Variants in CD8B observed in about 807,000 individuals in gnomAD.
The protein encoded by CD8B is T-cell surface glycoprotein CD8 beta chain.
A neutral mutation model predicts 24.2 loss-of-function variants in CD8B; 6 were observed. The ratio of observed to expected loss-of-function variants is 0.25; its 90% CI spans 0.14 to 0.49. The LOEUF is 0.49. Among genes scored for constraint, CD8B ranks in the 20% least tolerant of loss-of-function variants. The pLI is 0.98. For missense variants in CD8B, 196 were observed against 271.3 expected (o/e 0.72, Z 1.95); for synonymous variants, 84 against 108.3 (o/e 0.78, Z 1.39).
Position 86,822,469 on chromosome 2 carries a change from A to G in CD8B, c.621-6751T>C, listed in dbSNP as rs1674519353. 11 of 721,948 alleles carry G rather than the reference A, an allele frequency of 1.5e-5. No individual in the cohort carries two copies. In the South Asian group the frequency reaches 1.9e-4, roughly 12 times the overall value. The allele number at this position is 721,948 out of a possible 1,614,324, so 44.7% of individuals were successfully genotyped here. On this transcript the variant is annotated intron_variant, in intron 5 of 5. Coordinates refer to the CD8B transcript ENST00000331469. Reference sequence around the variant, plus strand: ...ATATTTAAGTAAACAATGATAATGCATTCAATATAATTTTAGGCATTAACA... The same window carrying G: ...ATATTTAAGTAAACAATGATAATGCGTTCAATATAATTTTAGGCATTAACA...
rs533135286 is a variant in CD8B at position 86,859,665 on chromosome 2, A to G, written c.44-1249T>C. On this transcript the variant is annotated intron_variant, in intron 1 of 5. Coordinates refer to ENST00000390655, the MANE Select transcript of CD8B (RefSeq NM_004931.5). ...ACACACCAAGGCTGCACAGCTTCCA[A>G]CAAACACAATCTGACCTGGTGAGCC... is the stretch of plus-strand genomic sequence containing the variant. 2.0e-3 allele frequency among the ~76,000 whole-genome samples: 307 copies of G among 151,876 alleles called. 1 individual carries two copies. Among genetic ancestry groups the G allele is most frequent in the African/African-American group, 7.1e-3 (292 of 41,348 alleles).
chr2:86,835,387 G>A (rs1446730102), downstream of CD8B, among the ~76,000 whole-genome samples: 8 of 152,166 alleles, frequency 5.3e-5, no homozygotes, highest in Admixed American at 2.6e-4. Context: ...AGGCAGGGAC[G>A]ACCCAAACTC....
chr2:86,846,744 G>A lies in CD8B; in HGVS notation c.523C>T (p.Leu175=), dbSNP rs750458820. The A allele has an allele frequency of 5.0e-5, 80 of 1,584,168 alleles. No individual in the cohort carries two copies. The highest frequency in any genetic ancestry group is 6.5e-5 in the Non-Finnish European group (76 of 1,164,586). The change falls in exon 4 of 6, where the codon CTG becomes TTG. Residue 175 remains leucine, a synonymous_variant. Coordinates refer to ENST00000390655, the MANE Select transcript of CD8B (RefSeq NM_004931.5). ...GPLCSPITLG[L]LVAGVLVLLV... ...AGAACCAGGACGCCAGCCACCAGCA[G>A]GCCAAGGGTGATGGGGCTACAAAGT...
rs752467151 is a variant in CD8B, at chr2:86,858,259, G to A, written c.201C>T (p.His67=). The change falls in exon 2 of 6, where the codon CAC becomes CAT. Residue 67 remains histidine, a synonymous_variant. Coordinates refer to ENST00000390655, the MANE Select transcript of CD8B (RefSeq NM_004931.5). ...QRQAPSSDSH[H]EFLALWDSAK... The stretch of plus-strand genomic sequence containing the variant: ...CGGAATCCCAGAGGGCCAGGAACTC[G>A]TGGTGACTGTCACTGCTCGGTGCCT... The A allele has an allele frequency of 1.7e-5, 27 of 1,614,028 alleles. No individual in the cohort carries two copies. The highest frequency in any genetic ancestry group is 2.7e-5 in the African/African-American group (2 of 75,050).
In CD8B at chr2:86,816,450, A is replaced by G. The variant is rs995688988; in HGVS notation, c.621-732T>C. Among the ~76,000 whole-genome samples, 4 of 152,364 alleles carry G rather than the reference A, an allele frequency of 2.6e-5. No individual in the cohort carries two copies. In the East Asian group the frequency reaches 5.8e-4, roughly 22 times the overall value. ...ATTATCAAATTCATATGGAAGTATAAAGGGCCAAAAATAGCTGAATAATTT... is the reference window on the plus strand; with the variant it reads ...ATTATCAAATTCATATGGAAGTATAGAGGGCCAAAAATAGCTGAATAATTT... On this transcript the variant is annotated intron_variant, in intron 5 of 5. Coordinates refer to the CD8B transcript ENST00000331469.
At chr2:86,823,155 ACC>A (rs1321789234) in intron 5 of CD8B, among the ~76,000 whole-genome samples, 6 of 152,118 alleles carry the variant, frequency 3.9e-5, no homozygotes, top group Non-Finnish European at 8.8e-5. Flanking sequence ...GTTCCAGGTA[ACC>A]GCTATGATAT....
chr2:86,824,982 T>C (rs1674620096), intron 5 of CD8B, among the ~76,000 whole-genome samples: 1 of 152,210 alleles, frequency 6.6e-6, no homozygotes, highest in East Asian at 1.9e-4. Context: ...CAATAAATAA[T>C]GATGATGGCA....
Position 86,823,748 on chromosome 2 carries a change from G to T in CD8B, c.621-8030C>A, listed in dbSNP as rs538702614. Among the ~76,000 whole-genome samples the T allele has an allele frequency of 4.6e-5, 7 of 152,312 alleles. No individual in the cohort carries two copies. In the East Asian group the frequency reaches 1.4e-3, roughly 29 times the overall value. Reference sequence around the variant, plus strand: ...AAGAAACGCTCAAGAAGCACATGTGGTCTCTCAAGGGGACGGTGTAGTGGA... The same window carrying T: ...AAGAAACGCTCAAGAAGCACATGTGTTCTCTCAAGGGGACGGTGTAGTGGA... On this transcript the variant is annotated intron_variant, in intron 5 of 5. Coordinates refer to the CD8B transcript ENST00000331469.
At chr2:86,856,358 C>T (rs996232029) in intron 2 of CD8B, among the ~76,000 whole-genome samples, 11 of 152,138 alleles carry the variant, frequency 7.2e-5, no homozygotes, top group African/African-American at 2.7e-4. Context: ...GAGACAAAAA[C>T]AATAAGCTAA....
intron 3 of CD8B, among the ~76,000 whole-genome samples, chr2:86,851,906 G>T (rs1374244385): frequency 6.6e-6 from 1 of 152,234 alleles, no homozygotes; most frequent in Non-Finnish European, 1.5e-5. Context: ...GTGTTCATTT[G>T]CAAACAAACA....
rs1022306899 is a variant in CD8B, at chr2:86,840,510, C to T, written c.*1797G>A. ...ATCCGCATAGGGCGTCAATTCACCT[C>T]AGCCTTTCATTAGCCATGGACCAAA... On this transcript the variant is annotated 3_prime_UTR_variant, in exon 6 of 6. Coordinates refer to ENST00000390655, the MANE Select transcript of CD8B (RefSeq NM_004931.5). Among the ~76,000 whole-genome samples, 2 of 152,226 alleles carry T rather than the reference C, an allele frequency of 1.3e-5. No homozygotes were observed. The highest frequency in any genetic ancestry group is 2.9e-5 in the Non-Finnish European group (2 of 68,040).
downstream of CD8B, among the ~76,000 whole-genome samples, chr2:86,837,308 G>T (rs1180257860): frequency 3.3e-5 from 5 of 152,208 alleles, no homozygotes; most frequent in East Asian, 1.9e-4. Context: ...TGTGGAGGTT[G>T]TAAGTGTCTT....
chr2:86,815,492 G>C, downstream of CD8B: 1 of 731,740 alleles, frequency 1.4e-6, no homozygotes, highest in Non-Finnish European at 2.5e-6. Flanking sequence ...CTATGACTTG[G>C]GGGGTTGATG....
chr2:86,844,472 G>C (rs1243321936), intron 5 of CD8B: 1 of 183,858 alleles, frequency 5.4e-6, no homozygotes, highest in African/African-American at 2.4e-5. Context: ...ATGAAATAAC[G>C]GATGGGATGA....
At chr2:86,857,196 G>A (rs1367558961) in intron 2 of CD8B, among the ~76,000 whole-genome samples, 3 of 152,022 alleles carry the variant, frequency 2.0e-5, no homozygotes, top group Non-Finnish European at 4.4e-5. Context: ...TACTAACTTC[G>A]ACTCAGGTAT....
At chr2:86,861,551 C>G (rs532228068) in intron 1 of CD8B, among the ~76,000 whole-genome samples, 2 of 152,204 alleles carry the variant, frequency 1.3e-5, no homozygotes, top group Non-Finnish European at 2.9e-5. Flanking sequence ...ACTCGCTCCC[C>G]TTTTCACTGC....
rs963830364 is a variant in CD8B at position 86,841,328 on chromosome 2, C to T, written c.*979G>A. Among the ~76,000 whole-genome samples, 7 of 148,772 alleles carry T rather than the reference C, an allele frequency of 4.7e-5. No homozygotes were observed. Among genetic ancestry groups the T allele is most frequent in the South Asian group, 2.2e-4 (1 of 4,562 alleles). ...CCAGGGATCCCTGCGGTTCAACCCG[C>T]GGTAGAAATGAACACGTGCTAGTTC... On this transcript the variant is annotated 3_prime_UTR_variant, in exon 6 of 6. Transcript: ENST00000390655.
chr2:86,836,201 G>A (rs908030958), downstream of CD8B, among the ~76,000 whole-genome samples: 3 of 152,092 alleles, frequency 2.0e-5, no homozygotes, highest in Admixed American at 2.0e-4. Context: ...CAGCTTGTGG[G>A]GGCCTAAGGA....
Position 86,855,606 on chromosome 2 carries a change from C to T in CD8B, c.403+2451G>A, listed in dbSNP as rs1156407215. Among the ~76,000 whole-genome samples, 13 of 152,196 alleles carry T rather than the reference C, an allele frequency of 8.5e-5. No individual in the cohort carries two copies. In the East Asian group the frequency reaches 2.5e-3, roughly 29 times the overall value. ...TGAACACTTTAGGTCCACCCAAGGC[C>T]CTGGGTCATCATAGTGCTGAGGGCA... is the stretch of plus-strand genomic sequence containing the variant. On this transcript the variant is annotated intron_variant, in intron 2 of 5. Transcript: ENST00000390655.
Sources: allele counts gnomAD v4.1 joint callset (sites outside exome capture counted in the v4.1 genomes callset), GRCh38; gene constraint gnomAD v4.1.1; transcripts MANE v1.5; gene names NCBI Gene and HGNC (gene_info 2026-07-23, HGNC 2026-07-21).